The following PTPRF variants were observed in gnomAD, a reference collection of about 807,000 sequenced individuals.
PTPRF encodes the protein receptor-type tyrosine-protein phosphatase F.
PTPRF carries 59 observed loss-of-function variants against 201.8 expected under a neutral mutation model. The observed-to-expected ratio is 0.29, with a 90% CI of 0.24 to 0.36. PTPRF has a LOEUF of 0.36. Ranked by LOEUF, PTPRF falls within the 10% of genes least tolerant of loss-of-function variation. The pLI is 1.00. For missense variants in PTPRF, 2,132 were observed against 2,690.5 expected, an observed-to-expected ratio of 0.79 and a Z score of 4.59; for synonymous variants, 1,088 against 1,089.7, an observed-to-expected ratio of 1.00 and a Z score of 0.03.
upstream of PTPRF, among the ~76,000 whole-genome samples, chr1:43,526,852 A>G (rs1003981713): frequency 5.9e-5 from 9 of 152,324 alleles, no homozygotes; most frequent in South Asian, 1.7e-3. Flanking sequence ...GTGACCACTG[A>G]TGTCTGCAAC....
chr1:43,617,728 A>G lies in PTPRF; in HGVS notation c.4196-8A>G. 6.2e-7 allele frequency: 1 copy of G among 1,610,600 alleles called. No homozygotes were observed. Among genetic ancestry groups the G allele is most frequent in the African/African-American group, 1.3e-5 (1 of 74,920 alleles). ...GTAATGCCCTCCCACCTCCTTTCTT[A>G]TCCATAGGCGTCCCCGGGAGTGACT... On this transcript the variant is annotated splice_polypyrimidine_tract_variant and splice_region_variant and intron_variant, in intron 24 of 33. Coordinates refer to ENST00000359947, the MANE Select transcript of PTPRF (RefSeq NM_002840.5).
chr1:43,606,030 A>G (rs2154026256), intron 19 of PTPRF, among the ~76,000 whole-genome samples: 1 of 152,294 alleles, frequency 6.6e-6, no homozygotes, highest in East Asian at 1.9e-4. Flanking sequence ...GGGGCAGCTT[A>G]CACACAGGGC....
At chr1:43,563,177 C>CCA (rs1645922414) in intron 5 of PTPRF, among the ~76,000 whole-genome samples, 1 of 134,106 alleles carries the variant, frequency 7.5e-6, no homozygotes, top group African/African-American at 2.9e-5. Flanking sequence ...GACTCCATCT[C>CCA]AAAAAAAAAA....
intron 5 of PTPRF, among the ~76,000 whole-genome samples, chr1:43,561,123 A>T (rs553945811): frequency 8.5e-5 from 13 of 152,160 alleles, no homozygotes; most frequent in Non-Finnish European, 1.6e-4. Context: ...GGACCTCTTG[A>T]TATACCCCCT....
At chr1:43,541,470 G>A (rs1319112448) in intron 2 of PTPRF, among the ~76,000 whole-genome samples, 2 of 152,164 alleles carry the variant, frequency 1.3e-5, no homozygotes, top group Non-Finnish European at 2.9e-5. Context: ...GCTGTGGCTT[G>A]GTCTAGTGCC....
At chr1:43,604,448 A>G (rs1169623619) in intron 16 of PTPRF, among the ~76,000 whole-genome samples, 1 of 151,972 alleles carries the variant, frequency 6.6e-6, no homozygotes, top group Non-Finnish European at 1.5e-5. Context: ...ATCTCTTTTG[A>G]CTGTGTCACT....
chr1:43,563,530 A>G (rs1328336729), intron 5 of PTPRF, among the ~76,000 whole-genome samples: 2 of 152,156 alleles, frequency 1.3e-5, no homozygotes, highest in African/African-American at 4.8e-5. Flanking sequence ...CCGACTCTCC[A>G]TGTTGGGAGG....
chr1:43,526,123 G>C (rs1014453131), upstream of PTPRF, among the ~76,000 whole-genome samples: 4 of 152,182 alleles, frequency 2.6e-5, no homozygotes, highest in Non-Finnish European at 5.9e-5. Context: ...GAGCACAGGG[G>C]AGACAGAGCG....
chr1:43,550,101 C>T (rs1644924661), intron 3 of PTPRF, among the ~76,000 whole-genome samples: 1 of 151,804 alleles, frequency 6.6e-6, no homozygotes, highest in Non-Finnish European at 1.5e-5. Flanking sequence ...AGGGGCGGGG[C>T]CTGCCTGTCT....
chr1:43,603,888 G>C lies in PTPRF; in HGVS notation c.2736G>C (p.Glu912Asp). The C allele has an allele frequency of 6.2e-7, 1 of 1,614,088 alleles. No homozygotes were observed. The highest frequency in any genetic ancestry group is 8.5e-7 in the Non-Finnish European group (1 of 1,180,044). The change falls in exon 16 of 34, where the codon GAG becomes GAC. Residue 912 changes from glutamate to aspartate, a missense_variant. Around this residue, in one of 6 missense-constraint regions of PTPRF, gnomAD observed 818 missense variants for 915.3 expected, o/e 0.89. Transcript: ENST00000359947. The surrounding 1 kb of genome is among the most constrained non-coding windows in gnomAD (Gnocchi z 5.8). ...TCGAGAAGGAGATCAGGACCCCCGA[G>C]GACCTGCCCAGCGGCTTCCCCCAAA... is the stretch of plus-strand genomic sequence containing the variant. ...EEFEKEIRTP[E>D]DLPSGFPQNL...
At chr1:43,575,912 G>A (rs771233942) in intron 6 of PTPRF, 10 of 1,364,110 alleles carry the variant, frequency 7.3e-6, no homozygotes, top group Non-Finnish European at 8.8e-6. Context: ...CTCGCCAGGT[G>A]GTTCACCAAT....
intron 22 of PTPRF, among the ~76,000 whole-genome samples, chr1:43,611,384 T>G (rs1656408218): frequency 6.6e-6 from 1 of 152,148 alleles, no homozygotes; most frequent in African/African-American, 2.4e-5. Context: ...AGTGGAAGCA[T>G]GTGCAGAAGC....
At chr1:43,567,983 T>A (rs905103628) in intron 5 of PTPRF, among the ~76,000 whole-genome samples, 3 of 152,022 alleles carry the variant, frequency 2.0e-5, no homozygotes, top group African/African-American at 7.2e-5. Flanking sequence ...GGAGAGACAC[T>A]CTGCTGAGGC....
At chr1:43,618,467 G>A (rs1285755541) in intron 25 of PTPRF, among the ~76,000 whole-genome samples, 163 bp from the exon 26 acceptor site, 1 of 152,156 alleles carries the variant, frequency 6.6e-6, no homozygotes, top group African/African-American at 2.4e-5. Flanking sequence ...TTGAGGACCT[G>A]ATGTGGCTTG....
intron 22 of PTPRF, among the ~76,000 whole-genome samples, chr1:43,611,012 C>T (rs952640662): frequency 1.2e-4 from 19 of 152,218 alleles, no homozygotes; most frequent in African/African-American, 4.1e-4. Flanking sequence ...ACTATTTACG[C>T]TCTGGCCTGT....
Position 43,622,066 on chromosome 1 carries a change from G to A in PTPRF, c.*63G>A. On this transcript the variant is annotated 3_prime_UTR_variant, in exon 34 of 34. Transcript: ENST00000359947. Reference sequence around the variant, plus strand: ...GCTCCGGAGGGGACCCAGCTCCTCTGAGCCATACCGACCATCGTCCAGCCC... The same window carrying A: ...GCTCCGGAGGGGACCCAGCTCCTCTAAGCCATACCGACCATCGTCCAGCCC... 1 of 1,536,532 alleles carries A rather than the reference G, an allele frequency of 6.5e-7. No homozygotes were observed. Among genetic ancestry groups the A allele is most frequent in the Non-Finnish European group, 9.0e-7 (1 of 1,111,540 alleles).
intron 7 of PTPRF, among the ~76,000 whole-genome samples, chr1:43,582,875 C>T (rs1161837021): frequency 2.0e-5 from 3 of 152,356 alleles, no homozygotes; most frequent in Non-Finnish European, 2.9e-5. Context: ...TCCATGAGTC[C>T]TGAGTCTTTT....
rs371678029 is a variant in PTPRF, at chr1:43,553,861, G to A, written c.299G>A (p.Arg100Gln). Residue 100 changes from arginine (R) to glutamine (Q), a missense_variant, in exon 5 of 34, where the codon CGA becomes CAA. Arg to Gln is a conservative substitution (Grantham distance 43). Around this residue, in one of 6 missense-constraint regions of PTPRF, gnomAD observed 297 missense variants for 454.0 expected, o/e 0.65. Transcript: ENST00000359947. The surrounding 1 kb of genome is among the most constrained non-coding windows in gnomAD (Gnocchi z 4.1). ...VLRIQPLRVQ[R>Q]DEAIYECTAT... ...CGGATCCAGCCATTGCGGGTGCAGCGAGATGAAGCCATCTATGAGTGTACA... is the reference window on the plus strand; with the variant it reads ...CGGATCCAGCCATTGCGGGTGCAGCAAGATGAAGCCATCTATGAGTGTACA... 29 of 1,614,080 alleles carry A rather than the reference G, an allele frequency of 1.8e-5. No homozygotes were observed. The highest frequency in any genetic ancestry group is 4.0e-5 in the African/African-American group (3 of 74,928).
At chr1:43,605,024 G>C in intron 17 of PTPRF, 24 bp downstream of exon 17, 2 of 1,608,970 alleles carry the variant, frequency 1.2e-6, no homozygotes, top group Non-Finnish European at 1.7e-6. Context: ...ACGGCCAGCT[G>C]AGCCTGGCAC....
Sources: gnomAD v4.1 joint callset for allele counts (sites outside exome capture counted in the v4.1 genomes callset) on GRCh38, gnomAD v4.1.1 for gene constraint, gnomAD v4.1.1 regional missense constraint, Gnocchi (gnomAD v3.1) non-coding constraint, MANE v1.5 for transcripts, NCBI Gene and HGNC (gene_info 2026-07-23, HGNC 2026-07-21) for gene names.